GAD1: variants seen among roughly 807,000 people sequenced by gnomAD.
The protein encoded by GAD1 is 67 kDa glutamic acid decarboxylase.
In GAD1, 35 loss-of-function variants were observed where a neutral mutation model predicts 75.2. That is an observed-to-expected ratio of 0.47 (90% CI 0.36 to 0.62). GAD1 has a LOEUF of 0.62. GAD1 is among the 20% of genes least tolerant of loss of function. GAD1 has a pLI of 0.00. For synonymous variants in GAD1, 257 were observed against 271.9 expected (o/e 0.95, Z 0.54); for missense variants, 490 against 758.5 (o/e 0.65, Z 4.16).
At chr2:170,843,307 C>A (rs974033727) in intron 6 of GAD1, among the ~76,000 whole-genome samples, 1 of 152,192 alleles carries the variant, frequency 6.6e-6, no homozygotes, top group Admixed American at 6.5e-5. Flanking sequence ...TGTAACCTTC[C>A]AAGATATCTG....
Position 170,852,775 on chromosome 2 carries a change from A to G in GAD1, c.1246A>G (p.Ile416Val), listed in dbSNP as rs749599647. ...GGGCGTGCTGTTGCAGTGCTCTGCC[A>G]TTCTCGTCAAGGAAAAGGTCTGTAC... ...MMGVLLQCSAILVKEKGILQG... is the reference protein window; with the variant it reads ...MMGVLLQCSAVLVKEKGILQG... The change falls in exon 13 of 17, where the codon ATT becomes GTT. Residue 416 changes from isoleucine to valine, a missense_variant. This residue lies in a region of GAD1 where 324 missense variants were observed against 523.9 expected (regional missense o/e 0.62). Coordinates refer to ENST00000358196, the MANE Select transcript of GAD1 (RefSeq NM_000817.3). 2.5e-6 allele frequency: 4 copies of G among 1,614,004 alleles called. No individual in the cohort carries two copies. The African/African-American group carries it at 5.3e-5, about 22-fold the overall frequency.
At chr2:170,854,482 G>A (rs1323536902) in intron 14 of GAD1, among the ~76,000 whole-genome samples, 1 of 144,934 alleles carries the variant, frequency 6.9e-6, no homozygotes, top group African/African-American at 2.6e-5. Context: ...CTCACTGCAA[G>A]CTCCGCCTCC....
chr2:170,841,714 C>T (rs1439259508), intron 6 of GAD1, among the ~76,000 whole-genome samples: 1 of 152,136 alleles, frequency 6.6e-6, no homozygotes, highest in Non-Finnish European at 1.5e-5. Flanking sequence ...TTTGTCAGGC[C>T]TGGCTGTGGA....
intron 15 of GAD1, 59 bp from the exon 16 acceptor site, chr2:170,858,745 G>A: frequency 6.6e-7 from 1 of 1,520,092 alleles, no homozygotes; most frequent in Non-Finnish European, 9.1e-7. Context: ...ATTGGTTTGG[G>A]AACAGCTTTC....
intron 11 of GAD1, 82 bp downstream of exon 11, chr2:170,847,874 C>A (rs1702667664): frequency 1.1e-6 from 1 of 900,226 alleles, no homozygotes; most frequent in Non-Finnish European, 1.9e-6. Context: ...CTTCTCCCCA[C>A]GCCCCAGCCA....
intron 1 of GAD1, 190 bp downstream of exon 1, chr2:170,817,238 C>G (rs1023567095): frequency 8.0e-6 from 1 of 124,978 alleles, no homozygotes; most frequent in African/African-American, 2.7e-5. Flanking sequence ...CCCCCCCCCC[C>G]GCCTCCCTCG....
intron 3 of GAD1, among the ~76,000 whole-genome samples, chr2:170,828,089 C>A (rs1318567256): frequency 2.0e-4 from 2 of 9,796 alleles, no homozygotes; most frequent in South Asian, 3.1e-3. Context: ...CTGTCCTCAC[C>A]CCTCCTCCTT....
chr2:170,858,727 G>A, intron 15 of GAD1, 77 bp from the exon 16 acceptor site: 1 of 1,263,482 alleles, frequency 7.9e-7, no homozygotes, highest in Non-Finnish European at 1.1e-6. Context: ...CTTCCACCAA[G>A]GATGCATATT....
chr2:170,814,796 G>A (rs1157125867), upstream of GAD1, among the ~76,000 whole-genome samples: 1 of 152,168 alleles, frequency 6.6e-6, no homozygotes, highest in African/African-American at 2.4e-5. Flanking sequence ...AGCCTTGCAG[G>A]AGATTCCTTC....
At chr2:170,837,298 G>T (rs1006451351) in intron 6 of GAD1, among the ~76,000 whole-genome samples, 1 of 152,170 alleles carries the variant, frequency 6.6e-6, no homozygotes, top group Non-Finnish European at 1.5e-5. Context: ...AAACCAATTT[G>T]ATCAACCTAT....
rs1369401326 is a variant in GAD1, at chr2:170,845,607, T to C, written c.853T>C (p.Phe285Leu). 1 of 1,614,092 alleles carries C rather than the reference T, an allele frequency of 6.2e-7. No individual in the cohort carries two copies. Among genetic ancestry groups the C allele is most frequent in the Middle Eastern group, 1.7e-4 (1 of 6,060 alleles). The change falls in exon 8 of 17, where the codon TTC (phenylalanine) becomes CTC (leucine). Residue 285 changes from phenylalanine to leucine, a missense_variant. Around this residue, in one of 3 missense-constraint regions of GAD1, gnomAD observed 324 missense variants for 523.9 expected, o/e 0.62. Transcript: ENST00000358196. ...GGCGGCTGTGCCTAAACTGGTCCTC[T>C]TCACCTCAGAACAGGTGAGTCGGGG... Reference protein sequence around the residue: ...GMAAVPKLVLFTSEQSHYSIK... With the variant: ...GMAAVPKLVLLTSEQSHYSIK...
At position 170,819,499 on chromosome 2, in the gene GAD1, C is replaced by T. The variant is rs45447099; in HGVS notation, c.82+826C>T. Among the ~76,000 whole-genome samples, 441 of 152,240 alleles carry T rather than the reference C, an allele frequency of 2.9e-3. 3 individuals are homozygous for T. The highest frequency in any genetic ancestry group is 6.3e-3 in the African/African-American group (261 of 41,538). ...GATAAAAGAGGGGGGAGGATTTATG[C>T]TTCCCTGTCTTAAGTGCGACAGGCT... On this transcript the variant is annotated intron_variant, in intron 2 of 16. Transcript: ENST00000358196.
Position 170,861,124 on chromosome 2 carries a change from A to G in GAD1, c.*1242A>G, listed in dbSNP as rs1472514265. ...GCAAGAAGAATATAAATAAATAAAAATATTCTCCATGGAGAATTTGAACAA... is the reference window on the plus strand; with the variant it reads ...GCAAGAAGAATATAAATAAATAAAAGTATTCTCCATGGAGAATTTGAACAA... On this transcript the variant is annotated 3_prime_UTR_variant, in exon 17 of 17. Coordinates refer to ENST00000358196, the MANE Select transcript of GAD1 (RefSeq NM_000817.3). 2.0e-5 allele frequency: 3 copies of G among 152,652 alleles called. No individual in the cohort carries two copies. The highest frequency in any genetic ancestry group is 4.4e-5 in the Non-Finnish European group (3 of 68,038). 9.5% of individuals were successfully genotyped at this position (152,652 alleles called of 1,614,324 possible). A position where few individuals can be genotyped will look rare whatever the true frequency, so the allele number is the denominator to read the frequency against.
At chr2:170,857,626 G>A (rs1035008600) in intron 15 of GAD1, among the ~76,000 whole-genome samples, 8 of 152,026 alleles carry the variant, frequency 5.3e-5, no homozygotes, top group Non-Finnish European at 1.2e-4. Flanking sequence ...TTTACAAAAC[G>A]ATAAAGTGGT....
intron 10 of GAD1, among the ~76,000 whole-genome samples, chr2:170,847,214 C>T (rs895493813): frequency 1.3e-5 from 2 of 152,188 alleles, no homozygotes; most frequent in African/African-American, 4.8e-5. Flanking sequence ...CTTAAAACAA[C>T]ACAGCCTCTT....
At chr2:170,829,993 A>G (rs974962601) in intron 4 of GAD1, 8 of 304,090 alleles carry the variant, frequency 2.6e-5, no homozygotes, top group African/African-American at 1.8e-4. Context: ...CATACACACA[A>G]AATCACACTA....
chr2:170,823,324 C>T lies in GAD1; in HGVS notation c.145+1175C>T, dbSNP rs114171835. On this transcript the variant is annotated intron_variant, in intron 3 of 16. Coordinates refer to ENST00000358196, the MANE Select transcript of GAD1 (RefSeq NM_000817.3). ...TTCCCAGCCTCCCTGGGTCCCGGGG[C>T]GAGGGCGGTGGCAGTTTGCAGTCAG... 5.2e-3 allele frequency among the ~76,000 whole-genome samples: 787 copies of T among 152,332 alleles called. 4 individuals carry two copies. Among genetic ancestry groups the T allele is most frequent in the African/African-American group, 0.018 (755 of 41,584 alleles).
intron 6 of GAD1, among the ~76,000 whole-genome samples, chr2:170,840,658 A>AAGGGAGGTAGGGAAGGGAGGTAGGG (rs1553578766): frequency 1.3e-5 from 1 of 77,320 alleles, no homozygotes; most frequent in Non-Finnish European, 2.6e-5. Context: ...GGAGGTAGGG[A>AAGGGAGGTAGGGAAGGGAGGTAGGG]AGGGAGGGAG....
chr2:170,818,811 C>T lies in GAD1; in HGVS notation c.82+138C>T, dbSNP rs765603581. 4.8e-6 allele frequency: 4 copies of T among 838,574 alleles called. No homozygotes were observed. The highest frequency in any genetic ancestry group is 6.0e-6 in the Non-Finnish European group (3 of 499,730). The allele number at this position is 838,574 out of a possible 1,614,324, so 51.9% of individuals were successfully genotyped here. A position where few individuals can be genotyped will look rare whatever the true frequency, so the allele number is the denominator to read the frequency against. On this transcript the variant is annotated intron_variant, in intron 2 of 16. Transcript: ENST00000358196. This position sits in a 1 kb window ranked among gnomAD's most constrained non-coding sequence, Gnocchi z 5.9. ...CTGGGAAATAAATGGGGCTCTGACC[C>T]CGTCCCTGCCAGAGGTCATTCGGCT...
Sources: gnomAD v4.1 joint callset for allele counts (sites outside exome capture counted in the v4.1 genomes callset) on GRCh38, gnomAD v4.1.1 for gene constraint, gnomAD v4.1.1 regional missense constraint, Gnocchi (gnomAD v3.1) non-coding constraint, MANE v1.5 for transcripts, NCBI Gene and HGNC (gene_info 2026-07-23, HGNC 2026-07-21) for gene names.